The following SCRN1 variants were observed in gnomAD, a reference collection of about 807,000 sequenced individuals.
SCRN1 encodes the protein secernin-1.
A neutral mutation model predicts 43.3 loss-of-function variants in SCRN1; 19 were observed. The ratio of observed to expected loss-of-function variants is 0.44; its 90% confidence interval spans 0.31 to 0.64. SCRN1 has a LOEUF of 0.64. Among genes scored for constraint, SCRN1 ranks in the 30% least tolerant of loss-of-function variants. SCRN1 has a pLI of 0.09. For synonymous variants in SCRN1, 183 were observed against 188.9 expected, an observed-to-expected ratio of 0.97 and a Z score of 0.26; for missense variants, 447 against 524.1, an observed-to-expected ratio of 0.85 and a Z score of 1.44.
chr7:29,983,823 G>A (rs1789067152), intron 1 of SCRN1, among the ~76,000 whole-genome samples: 1 of 152,188 alleles, frequency 6.6e-6, no homozygotes, highest in Admixed American at 6.5e-5. Context: ...TAGGAAATTA[G>A]CATATGATGA....
intron 1 of SCRN1, among the ~76,000 whole-genome samples, chr7:29,980,458 T>G (rs1171022599): frequency 6.6e-6 from 1 of 152,200 alleles, no homozygotes; most frequent in Non-Finnish European, 1.5e-5. Flanking sequence ...ATCAAAACAG[T>G]GCATTGTGTA....
chr7:29,981,066 AT>A (rs1788979219), intron 1 of SCRN1, among the ~76,000 whole-genome samples: 1 of 152,088 alleles, frequency 6.6e-6, no homozygotes, highest in Admixed American at 6.6e-5. Flanking sequence ...GCAAGCTCAT[AT>A]TGCTTTATTG....
chr7:29,944,146 T>A lies in SCRN1; in HGVS notation c.375A>T (p.Glu125Asp), dbSNP rs766250077. 20 of 1,614,080 alleles carry A rather than the reference T, an allele frequency of 1.2e-5. No individual in the cohort carries two copies. In the Admixed American group the frequency reaches 3.2e-4, roughly 26 times the overall value. The change falls in exon 4 of 8, where the codon GAA (glutamate) becomes GAT (aspartate). Residue 125 changes from glutamate (E) to aspartate (D), a missense_variant. Physicochemically the swap from Glu to Asp is conservative, Grantham distance 45. Transcript: ENST00000242059. The part of the protein sequence containing the change: ...LGLERGETAK[E>D]ALDVIVSLLE... ...ACAAGGAGACAATGACATCTAAGGCTTCTTTAGCTGTTTCCCCTCTTTCTA... is the reference window on the plus strand; with the variant it reads ...ACAAGGAGACAATGACATCTAAGGCATCTTTAGCTGTTTCCCCTCTTTCTA...
At chr7:29,924,728 A>AG in intron 7 of SCRN1, among the ~76,000 whole-genome samples, 1 of 152,200 alleles carries the variant, frequency 6.6e-6, no homozygotes, top group Middle Eastern at 3.4e-3. Flanking sequence ...GAAAAAAAAA[A>AG]TGGATCAATG....
intron 1 of SCRN1, among the ~76,000 whole-genome samples, chr7:29,982,548 T>C (rs1040961356): frequency 6.6e-6 from 1 of 151,852 alleles, no homozygotes; most frequent in Non-Finnish European, 1.5e-5. Context: ...TCAGGTGTAG[T>C]GGTGTACACT....
intron 3 of SCRN1, among the ~76,000 whole-genome samples, chr7:29,944,616 T>C (rs2128090993): frequency 7.0e-6 from 1 of 142,932 alleles, no homozygotes; most frequent in Non-Finnish European, 1.5e-5. Flanking sequence ...TGAGCCATGA[T>C]CATGCCACCA....
At chr7:29,936,147 G>A (rs1156920231) in intron 6 of SCRN1, among the ~76,000 whole-genome samples, 1 of 152,186 alleles carries the variant, frequency 6.6e-6, no homozygotes, top group Non-Finnish European at 1.5e-5. Flanking sequence ...GGAACTGGTT[G>A]TTTTGATAAA....
intron 2 of SCRN1, among the ~76,000 whole-genome samples, chr7:29,958,310 T>C (rs1562815040): frequency 6.6e-6 from 1 of 152,232 alleles, no homozygotes; most frequent in African/African-American, 2.4e-5. Context: ...ATAGACTGGC[T>C]ACTTAAAATC....
At chr7:29,962,126 C>CTAG (rs1419662723) in intron 2 of SCRN1, among the ~76,000 whole-genome samples, 1 of 148,642 alleles carries the variant, frequency 6.7e-6, no homozygotes, top group Non-Finnish European at 1.5e-5. Flanking sequence ...ATATAACCAC[C>CTAG]TAGTATATAA....
intron 1 of SCRN1, among the ~76,000 whole-genome samples, chr7:29,985,572 A>G (rs1392187302): frequency 6.6e-6 from 1 of 151,966 alleles, no homozygotes; most frequent in African/African-American, 2.4e-5. Context: ...TCATTTCGAT[A>G]TGGGAACACA....
rs536676029 is a variant in SCRN1, at chr7:29,922,456, A to C, written c.*1501T>G. The C allele has an allele frequency of 6.6e-6, 1 of 152,348 alleles. No individual in the cohort carries two copies. Among genetic ancestry groups the C allele is most frequent in the Non-Finnish European group, 1.5e-5 (1 of 68,046 alleles). The allele number at this position is 152,348 out of a possible 1,614,324, so 9.4% of individuals were successfully genotyped here. A position where few individuals can be genotyped will look rare whatever the true frequency, so the allele number is the denominator to read the frequency against. ...GTCACTTCCCAGATTGCTGATACTC[A>C]CAATGTTTCCATTTGCAGATTCCTG... is the stretch of plus-strand genomic sequence containing the variant. On this transcript the variant is annotated 3_prime_UTR_variant, in exon 8 of 8. Transcript: ENST00000242059.
rs1297378038 is a variant in SCRN1, at chr7:29,920,171, T to C, written c.*3786A>G. ...TAGAGACAATTCCAAGGGCAAGCAC[T>C]GGATAGGGATATTATCTGCTTTGTA... is the stretch of plus-strand genomic sequence containing the variant. On this transcript the variant is annotated 3_prime_UTR_variant, in exon 8 of 8. Transcript: ENST00000242059. 6.6e-6 allele frequency: 1 copy of C among 152,654 alleles called. No homozygotes were observed. Among genetic ancestry groups the C allele is most frequent in the Admixed American group, 6.5e-5 (1 of 15,282 alleles). The allele number at this position is 152,654 out of a possible 1,614,324, so 9.5% of individuals were successfully genotyped here. A position where few individuals can be genotyped will look rare whatever the true frequency, so the allele number is the denominator to read the frequency against.
In SCRN1 at chr7:29,924,050, T is replaced by C. The variant is rs1452008373; in HGVS notation, c.1152A>G (p.Glu384=). 6.2e-7 allele frequency: 1 copy of C among 1,614,146 alleles called. No individual in the cohort carries two copies. ...ELEKQGLEAM[E]EILTSSEPLD... Reference sequence around the variant, plus strand: ...GTGGCTCGGAGCTGGTCAGGATTTCTTCCATGGCTTCCAGGCCTTGCTTCT... The same window carrying C: ...GTGGCTCGGAGCTGGTCAGGATTTCCTCCATGGCTTCCAGGCCTTGCTTCT... The change falls in exon 8 of 8, where the codon GAA becomes GAG. Residue 384 remains glutamate, a synonymous_variant. Coordinates refer to ENST00000242059, the MANE Select transcript of SCRN1 (RefSeq NM_014766.5).
intron 6 of SCRN1, among the ~76,000 whole-genome samples, chr7:29,933,991 C>A (rs1252400995): frequency 6.6e-6 from 1 of 152,142 alleles, no homozygotes; most frequent in Non-Finnish European, 1.5e-5. Flanking sequence ...AAAAACCTAA[C>A]AAAAGGTAAT....
intron 1 of SCRN1, among the ~76,000 whole-genome samples, chr7:29,985,506 C>G (rs1009974178): frequency 6.6e-6 from 1 of 152,052 alleles, no homozygotes; most frequent in Non-Finnish European, 1.5e-5. Flanking sequence ...GAGCTAGGTC[C>G]CAGGTCCCCT....
intron 5 of SCRN1, among the ~76,000 whole-genome samples, chr7:29,937,105 C>A (rs1787366554): frequency 6.6e-6 from 1 of 152,166 alleles, no homozygotes; most frequent in Non-Finnish European, 1.5e-5. Flanking sequence ...TGGCGGGCCA[C>A]TAACTAAAAT....
At chr7:29,926,775 C>A in intron 6 of SCRN1, 143 bp from the exon 7 acceptor site, 1 of 662,508 alleles carries the variant, frequency 1.5e-6, no homozygotes, top group South Asian at 2.0e-5. Context: ...GGGTGAGTGC[C>A]AAGAGAGACA....
chr7:29,938,164 G>A (rs1261519886), intron 5 of SCRN1, among the ~76,000 whole-genome samples: 1 of 152,128 alleles, frequency 6.6e-6, no homozygotes, highest in Non-Finnish European at 1.5e-5. Context: ...TGGTAGCTGG[G>A]ACTACAGGCA....
At chr7:29,978,324 C>A (rs1270610480) in intron 1 of SCRN1, among the ~76,000 whole-genome samples, 1 of 152,230 alleles carries the variant, frequency 6.6e-6, no homozygotes, top group East Asian at 1.9e-4. Flanking sequence ...ACTCAAAGAT[C>A]TGGCAACACC....
Sources: allele counts gnomAD v4.1 joint callset (sites outside exome capture counted in the v4.1 genomes callset), GRCh38; gene constraint gnomAD v4.1.1; transcripts MANE v1.5; gene names NCBI Gene and HGNC (gene_info 2026-07-23, HGNC 2026-07-21).